The following SPDYE21 variants were observed in gnomAD, a reference collection of about 807,000 sequenced individuals.
SPDYE21 encodes speedy/RINGO cell cycle regulator family member E21, also known as speedy protein E21.
A neutral mutation model predicts 36.2 loss-of-function variants in SPDYE21; 14 were observed. The ratio of observed to expected loss-of-function variants is 0.39; its 90% CI spans 0.26 to 0.61. The LOEUF is 0.61. Among genes scored for constraint, SPDYE21 ranks in the 20% least tolerant of loss-of-function variants. SPDYE21 has a pLI of 0.55. For synonymous variants in SPDYE21, 58 were observed against 155.1 expected, an observed-to-expected ratio of 0.37 and a Z score of 4.65; for missense variants, 233 against 424.6, an observed-to-expected ratio of 0.55 and a Z score of 3.97.
At chr7:67,280,068 C>A (rs1742203836) in intron 3 of SPDYE21, 32 bp downstream of exon 3, 1 of 1,568,930 alleles carries the variant, frequency 6.4e-7, no homozygotes, top group Non-Finnish European at 8.6e-7. Flanking sequence ...CACCTCCAAT[C>A]CTGTTCTTTC....
At chr7:67,277,862 G>A (rs1345160913) in intron 1 of SPDYE21, among the ~76,000 whole-genome samples, 2 of 142,786 alleles carry the variant, frequency 1.4e-5, no homozygotes, top group East Asian at 2.0e-4. Flanking sequence ...AGCCGAACTG[G>A]AGGGGCTGGC....
chr7:67,288,823 A>G lies in SPDYE21; in HGVS notation c.*1351A>G, dbSNP rs1054286. Among the ~76,000 whole-genome samples the G allele has an allele frequency of 6.7e-6, 1 of 150,302 alleles. No homozygotes were observed. Among genetic ancestry groups the G allele is most frequent in the Non-Finnish European group, 1.5e-5 (1 of 67,598 alleles). On this transcript the variant is annotated 3_prime_UTR_variant, in exon 9 of 9. Transcript: ENST00000424157. The stretch of plus-strand genomic sequence containing the variant: ...AATTTTTATTTGATATTTCATATAT[A>G]TTTGAAATGTGAGAATTCAGATGTA...
intron 3 of SPDYE21, among the ~76,000 whole-genome samples, chr7:67,280,407 A>G (rs1170684684): frequency 6.6e-6 from 1 of 152,114 alleles, no homozygotes; most frequent in Admixed American, 6.6e-5. Flanking sequence ...CCCTGTGTCA[A>G]AAGAAAAACG....
chr7:67,280,046 C>T lies in SPDYE21; in HGVS notation c.379+10C>T. The stretch of plus-strand genomic sequence containing the variant: ...TTCAACAGTCAGCTTGGTAGGAGGA[C>T]ACCCCAGAGAGCACCTCCAATCCTG... On this transcript the variant is annotated intron_variant, in intron 3 of 8. Coordinates refer to ENST00000424157, the MANE Select transcript of SPDYE21 (RefSeq NM_001382715.2). 9 of 1,581,596 alleles carry T rather than the reference C, an allele frequency of 5.7e-6. No individual in the cohort carries two copies. Among genetic ancestry groups the T allele is most frequent in the East Asian group, 2.3e-5 (1 of 43,480 alleles).
At chr7:67,282,149 T>TAAATAA in intron 4 of SPDYE21, among the ~76,000 whole-genome samples, 1 of 152,166 alleles carries the variant, frequency 6.6e-6, no homozygotes, top group South Asian at 2.1e-4. Context: ...AATTAATAAG[T>TAAATAA]AAATAAAAAT....
intron 6 of SPDYE21, among the ~76,000 whole-genome samples, chr7:67,284,338 A>C (rs1328654693): frequency 1.3e-5 from 2 of 150,926 alleles, no homozygotes; most frequent in African/African-American, 2.4e-5. Flanking sequence ...AATCCCAGCT[A>C]CTTGGGAGGC....
At chr7:67,283,209 T>C (rs1289167069) in intron 5 of SPDYE21, among the ~76,000 whole-genome samples, 1 of 149,338 alleles carries the variant, frequency 6.7e-6, no homozygotes, top group Non-Finnish European at 1.5e-5. Flanking sequence ...TCATAGCTCA[T>C]TGCAGCCTCT....
At chr7:67,279,677 A>G (rs905813933) in intron 2 of SPDYE21, 141 bp from the exon 3 acceptor site, 4 of 1,583,200 alleles carry the variant, frequency 2.5e-6, no homozygotes, top group African/African-American at 2.7e-5. Context: ...GGTTGAGCAG[A>G]GGAGAAAATC....
At chr7:67,279,273 G>A (rs1474401496) in intron 2 of SPDYE21, among the ~76,000 whole-genome samples, 1 of 148,120 alleles carries the variant, frequency 6.8e-6, no homozygotes. Flanking sequence ...AGAAATTCAG[G>A]CTGGGTGCAG....
intron 5 of SPDYE21, among the ~76,000 whole-genome samples, chr7:67,283,634 C>A (rs1475914591): frequency 2.0e-5 from 3 of 152,238 alleles, no homozygotes; most frequent in African/African-American, 7.2e-5. Flanking sequence ...ACAAAAGACC[C>A]TCCTGACACC....
chr7:67,278,052 G>A (rs112270101), intron 1 of SPDYE21, among the ~76,000 whole-genome samples: 1,099 of 87,584 alleles, frequency 0.013, 39 homozygotes, highest in South Asian at 0.019. Context: ...GTAAACATTC[G>A]GCAGAAAAGC....
rs1347821889 is a variant in SPDYE21 at position 67,287,779 on chromosome 7, C to T, written c.*307C>T. 6.6e-6 allele frequency among the ~76,000 whole-genome samples: 1 copy of T among 151,936 alleles called. No individual in the cohort carries two copies. Among genetic ancestry groups the T allele is most frequent in the Non-Finnish European group, 1.5e-5 (1 of 67,990 alleles). On this transcript the variant is annotated 3_prime_UTR_variant, in exon 9 of 9. Transcript: ENST00000424157. ...GTTCCACCCTTTCCTGCGGCACCAC[C>T]ACCCTTTTTATATTGCTGAATTCCA...
intron 8 of SPDYE21, among the ~76,000 whole-genome samples, 137 bp from the exon 9 acceptor site, chr7:67,287,381 G>A (rs1802757754): frequency 6.6e-6 from 1 of 152,182 alleles, no homozygotes; most frequent in Non-Finnish European, 1.5e-5. Flanking sequence ...TTCAGAAGCA[G>A]GGTATAGAAT....
At position 67,280,648 on chromosome 7, in the gene SPDYE21, C is replaced by T. The variant is rs548092040; in HGVS notation, c.379+612C>T. Among the ~76,000 whole-genome samples, 255 of 119,642 alleles carry T rather than the reference C, an allele frequency of 2.1e-3. 4 individuals are homozygous for T. The highest frequency in any genetic ancestry group is 9.0e-4 in the Non-Finnish European group (56 of 61,976). 78.5% of individuals were successfully genotyped at this position (119,642 alleles called of 152,430 possible). A position where few individuals can be genotyped will look rare whatever the true frequency, so the allele number is the denominator to read the frequency against. ...AAGAGGTTGCTTTGAGCCAAGATAG[C>T]GCCACTGCATTCCATTCTGGGTGAG... On this transcript the variant is annotated intron_variant, in intron 3 of 8. Coordinates refer to ENST00000424157, the MANE Select transcript of SPDYE21 (RefSeq NM_001382715.2).
chr7:67,287,854 C>T lies in SPDYE21; in HGVS notation c.*382C>T, dbSNP rs1289804887. Among the ~76,000 whole-genome samples, 2 of 152,060 alleles carry T rather than the reference C, an allele frequency of 1.3e-5. No homozygotes were observed. The highest frequency in any genetic ancestry group is 2.9e-5 in the Non-Finnish European group (2 of 68,020). ...GTGCTGTTTCTTACGGACTTGGTTG[C>T]CACAGTCCAGGAGCATTTGAAGGCA... On this transcript the variant is annotated 3_prime_UTR_variant, in exon 9 of 9. Transcript: ENST00000424157.
chr7:67,281,080 G>GCAACAA (rs1427421701), intron 3 of SPDYE21, among the ~76,000 whole-genome samples: 5 of 64,586 alleles, frequency 7.7e-5, no homozygotes, highest in East Asian at 6.6e-4. Flanking sequence ...AGACTGTTTC[G>GCAACAA]CAACAACAAC....
At chr7:67,280,509 C>A (rs929633707) in intron 3 of SPDYE21, among the ~76,000 whole-genome samples, 4 of 151,136 alleles carry the variant, frequency 2.6e-5, no homozygotes, top group Admixed American at 6.6e-5. Flanking sequence ...CGAGACCAAC[C>A]AGACCAATAT....
At chr7:67,285,002 C>T (rs554673789) in intron 6 of SPDYE21, among the ~76,000 whole-genome samples, 157 of 151,882 alleles carry the variant, frequency 1.0e-3, no homozygotes, top group African/African-American at 3.7e-3. Context: ...CTGGGTGTCC[C>T]GCACACATGT....
Position 67,286,414 on chromosome 7 carries a change from G to A in SPDYE21, c.1126G>A (p.Val376Ile), listed in dbSNP as rs1023147931. The change falls in exon 7 of 9, where the codon GTT becomes ATT. Residue 376 changes from valine (V) to isoleucine (I), a missense_variant. Physicochemically the swap from Val to Ile is conservative, Grantham distance 29. This residue lies in a region of SPDYE21 where 139 missense variants were observed against 175.8 expected (regional missense o/e 0.79). Coordinates refer to ENST00000424157, the MANE Select transcript of SPDYE21 (RefSeq NM_001382715.2). ...CTGTTCCATGAGCGGCAGGGCTTGG[G>A]TTTCCCCGGAGGAGTTGGAGGAGGT... ...FFCSMSGRAWVSPEELEEIQA... is the reference protein window; with the variant it reads ...FFCSMSGRAWISPEELEEIQA... 6.6e-6 allele frequency among the ~76,000 whole-genome samples: 1 copy of A among 152,270 alleles called. No individual in the cohort carries two copies. Among genetic ancestry groups the A allele is most frequent in the Middle Eastern group, 3.4e-3 (1 of 294 alleles).
Sources: allele counts gnomAD v4.1 joint callset (sites outside exome capture counted in the v4.1 genomes callset), GRCh38; gene constraint gnomAD v4.1.1; regional missense constraint gnomAD v4.1.1; transcripts MANE v1.5; gene names NCBI Gene and HGNC (gene_info 2026-07-23, HGNC 2026-07-21).